Variants in DAB1 observed in about 807,000 individuals in gnomAD.
DAB1 encodes the protein DAB adaptor protein 1.
DAB1 carries 15 observed loss-of-function variants against 64.6 expected under a neutral mutation model. The observed-to-expected ratio is 0.23, with a 90% CI of 0.16 to 0.36. DAB1 has a LOEUF of 0.36. Ranked by LOEUF, DAB1 falls within the 10% of genes least tolerant of loss-of-function variation. DAB1 has a pLI of 1.00. For missense variants in DAB1, 596 were observed against 706.7 expected, an observed-to-expected ratio of 0.84 and a Z score of 1.78; for synonymous variants, 235 against 251.9, an observed-to-expected ratio of 0.93 and a Z score of 0.64.
chr1:58,472,380 T>C (rs553338666), intron 3 of DAB1, among the ~76,000 whole-genome samples: 1 of 152,376 alleles, frequency 6.6e-6, no homozygotes, highest in African/African-American at 2.4e-5. Context: ...CTTGGTATAT[T>C]TGGTCCTGAT....
chr1:57,191,060 A>C (rs1486257985), intron 2 of DAB1, among the ~76,000 whole-genome samples: 1 of 152,162 alleles, frequency 6.6e-6, no homozygotes, highest in Non-Finnish European at 1.5e-5. Context: ...TGACAGCATA[A>C]AGTGAAATGG....
chr1:57,422,153 T>G (rs1484028622), intron 1 of DAB1, among the ~76,000 whole-genome samples: 2 of 152,232 alleles, frequency 1.3e-5, no homozygotes, highest in Non-Finnish European at 2.9e-5. Context: ...CCACCTTTAA[T>G]TTAATTGATA....
At chr1:57,564,061 A>G (rs1645086803) in intron 7 of DAB1, among the ~76,000 whole-genome samples, 1 of 152,148 alleles carries the variant, frequency 6.6e-6, no homozygotes, top group East Asian at 1.9e-4. Context: ...TGACACCCAC[A>G]TGGCTGGGTA....
At chr1:58,119,256 A>G (rs1652591047) in intron 5 of DAB1, among the ~76,000 whole-genome samples, 1 of 141,668 alleles carries the variant, frequency 7.1e-6, no homozygotes, top group Admixed American at 7.1e-5. Context: ...GTGTGTGTGT[A>G]TGCTTAATTC....
chr1:57,992,774 T>G (rs1646364896), intron 5 of DAB1, among the ~76,000 whole-genome samples: 1 of 152,040 alleles, frequency 6.6e-6, no homozygotes, highest in Admixed American at 6.6e-5. Flanking sequence ...CTAGATGCTG[T>G]GTTTTCACTG....
chr1:57,842,527 A>T (rs1266667495), intron 1 of DAB1, among the ~76,000 whole-genome samples: 1 of 152,160 alleles, frequency 6.6e-6, no homozygotes, highest in East Asian at 1.9e-4. Context: ...GTAATTTATG[A>T]ATGAAAAAAA....
At chr1:57,834,859 G>A (rs1330593328) in intron 1 of DAB1, among the ~76,000 whole-genome samples, 1 of 152,116 alleles carries the variant, frequency 6.6e-6, no homozygotes, top group Non-Finnish European at 1.5e-5. Flanking sequence ...CCTCCTGTGT[G>A]GTCAACTGAA....
intron 7 of DAB1, among the ~76,000 whole-genome samples, chr1:57,635,883 C>G (rs1014306069): frequency 6.6e-6 from 1 of 151,966 alleles, no homozygotes; most frequent in Non-Finnish European, 1.5e-5. Flanking sequence ...ATCACGAGGT[C>G]AGGAGATCGA....
At chr1:58,071,398 GTGT>G (rs1649250654) in intron 5 of DAB1, among the ~76,000 whole-genome samples, 1 of 150,732 alleles carries the variant, frequency 6.6e-6, no homozygotes, top group Middle Eastern at 3.2e-3. Flanking sequence ...GTGTGTGTGT[GTGT>G]GTGTGGGTGG....
intron 2 of DAB1, among the ~76,000 whole-genome samples, chr1:57,238,858 C>T (rs61765625): frequency 0.21 from 23,943 of 112,566 alleles, 1,855 homozygotes; most frequent in Middle Eastern, 0.32. Flanking sequence ...CACACACACA[C>T]ATACACACAC....
chr1:57,793,462 G>C (rs779885157), intron 6 of DAB1, among the ~76,000 whole-genome samples: 2 of 152,172 alleles, frequency 1.3e-5, no homozygotes, highest in Non-Finnish European at 2.9e-5. Flanking sequence ...AGTGGCCCTT[G>C]AGTGGCAAAG....
intron 5 of DAB1, among the ~76,000 whole-genome samples, chr1:57,950,431 T>C (rs1645255037): frequency 6.6e-6 from 1 of 152,206 alleles, no homozygotes. Flanking sequence ...TCACTAGCAC[T>C]GCTTTCTAAC....
intron 2 of DAB1, among the ~76,000 whole-genome samples, chr1:57,283,163 G>C (rs1558086710): frequency 6.6e-6 from 1 of 152,176 alleles, no homozygotes. Context: ...AGGCTTATTA[G>C]GGAAAATTTG....
chr1:58,176,631 C>A (rs1161534553), intron 4 of DAB1, among the ~76,000 whole-genome samples: 2 of 152,136 alleles, frequency 1.3e-5, no homozygotes, highest in Admixed American at 1.3e-4. Flanking sequence ...CCTTTTATAA[C>A]AGCATTAATT....
chr1:57,389,707 T>G (rs1682186042), intron 1 of DAB1, among the ~76,000 whole-genome samples: 1 of 152,180 alleles, frequency 6.6e-6, no homozygotes, highest in African/African-American at 2.4e-5. Flanking sequence ...GTACAATTTG[T>G]GACCAATAGC....
chr1:57,781,118 CTCTCTCTCTATATATATATATA>C (rs1302232486), intron 6 of DAB1, among the ~76,000 whole-genome samples: 16 of 54,560 alleles, frequency 2.9e-4, no homozygotes, highest in African/African-American at 1.1e-3. Flanking sequence ...CTCTCTCTCT[CTCTCTCTCTATATATATATATA>C]TATATATATA....
At chr1:57,332,303 G>C (rs1443397964) in intron 1 of DAB1, among the ~76,000 whole-genome samples, 1 of 152,110 alleles carries the variant, frequency 6.6e-6, no homozygotes, top group Admixed American at 6.6e-5. Flanking sequence ...CATCTTGCTT[G>C]TTCAGGCCAC....
chr1:57,509,717 CT>C (rs1291191920), intron 7 of DAB1, among the ~76,000 whole-genome samples: 1 of 152,190 alleles, frequency 6.6e-6, no homozygotes, highest in East Asian at 1.9e-4. Flanking sequence ...ATTTCTACCC[CT>C]ATCAAAGGCA....
At chr1:57,148,641 C>G (rs904202172) in intron 2 of DAB1, among the ~76,000 whole-genome samples, 1 of 152,138 alleles carries the variant, frequency 6.6e-6, no homozygotes, top group Non-Finnish European at 1.5e-5. Context: ...AAGAGAAAGA[C>G]CACACGTTTA....
Sources: gnomAD v4.1 joint callset for allele counts (sites outside exome capture counted in the v4.1 genomes callset) on GRCh38, gnomAD v4.1.1 for gene constraint, MANE v1.5 for transcripts, NCBI Gene and HGNC (gene_info 2026-07-23, HGNC 2026-07-21) for gene names.